The following HPSE2 variants were observed in gnomAD, a reference collection of about 807,000 sequenced individuals.
HPSE2 encodes the protein inactive heparanase-2.
HPSE2 carries 38 observed loss-of-function variants against 60.5 expected under a neutral mutation model. That is an observed-to-expected ratio of 0.63 (90% CI 0.48 to 0.82). The LOEUF is 0.82. Among genes scored for constraint, HPSE2 ranks in the 40% least tolerant of loss-of-function variants. The pLI is 0.00. For missense variants in HPSE2, 713 were observed against 740.4 expected (o/e 0.96, Z 0.43); for synonymous variants, 295 against 293.2 (o/e 1.01, Z -0.06).
At chr10:99,229,212 G>T (rs1385742563) in intron 2 of HPSE2, among the ~76,000 whole-genome samples, 1 of 151,230 alleles carries the variant, frequency 6.6e-6, no homozygotes, top group Non-Finnish European at 1.5e-5. Context: ...CAATATAAAC[G>T]GATTAACCAG....
intron 3 of HPSE2, among the ~76,000 whole-genome samples, chr10:99,071,016 A>G (rs1281435686): frequency 4.6e-5 from 7 of 151,538 alleles, no homozygotes; most frequent in East Asian, 3.9e-4. Flanking sequence ...ATTATTTTGT[A>G]TAGGTATGCA....
intron 3 of HPSE2, among the ~76,000 whole-genome samples, chr10:99,004,180 C>CT (rs1031223749): frequency 2.1e-4 from 32 of 151,842 alleles, no homozygotes; most frequent in Admixed American, 1.3e-3. Context: ...GTTGGCCCAG[C>CT]TTTTTTTTAA....
At chr10:98,500,408 C>A (rs1026399016) in intron 9 of HPSE2, among the ~76,000 whole-genome samples, 2 of 152,174 alleles carry the variant, frequency 1.3e-5, no homozygotes, top group Non-Finnish European at 2.9e-5. Context: ...AATTAAATAA[C>A]CTGCTCCTGA....
At chr10:99,244,825 T>TA in the HPSE2 span, among the ~76,000 whole-genome samples, 1 of 152,192 alleles carries the variant, frequency 6.6e-6, no homozygotes, top group African/African-American at 2.4e-5. Context: ...CAGACTTTAG[T>TA]AGTACATACT....
intron 3 of HPSE2, among the ~76,000 whole-genome samples, chr10:99,103,264 T>C (rs938211439): frequency 6.6e-6 from 1 of 152,206 alleles, no homozygotes; most frequent in Non-Finnish European, 1.5e-5. Context: ...CTCCTTAAGC[T>C]GATAAGCAAC....
chr10:99,306,387 T>C, the HPSE2 span, among the ~76,000 whole-genome samples: 1 of 152,112 alleles, frequency 6.6e-6, no homozygotes, highest in Non-Finnish European at 1.5e-5. Flanking sequence ...CTGGCCAATG[T>C]GCACTTACTC....
chr10:98,508,078 A>G (rs980384546), intron 9 of HPSE2, among the ~76,000 whole-genome samples: 3 of 152,216 alleles, frequency 2.0e-5, no homozygotes, highest in Non-Finnish European at 2.9e-5. Context: ...TATAATAAAA[A>G]AAAATCCAAA....
chr10:98,937,365 T>A lies in HPSE2; in HGVS notation c.611-193309A>T, dbSNP rs1224555890. On this transcript the variant is annotated intron_variant, in intron 3 of 11. Transcript: ENST00000370552. ...AGGGGTGACAGACGGCACCTGGAAA[T>A]TCGGGTCACTCCCACCCTAATACTG... Among the ~76,000 whole-genome samples the A allele has an allele frequency of 1.6e-4, 23 of 144,266 alleles. 2 individuals carry two copies. Among genetic ancestry groups the A allele is most frequent in the African/African-American group, 6.5e-4 (23 of 35,650 alleles). 94.6% of individuals were successfully genotyped at this position (144,266 alleles called of 152,430 possible).
At chr10:98,482,113 G>A (rs1941258933) in intron 11 of HPSE2, among the ~76,000 whole-genome samples, 1 of 152,088 alleles carries the variant, frequency 6.6e-6, no homozygotes, top group South Asian at 2.1e-4. Flanking sequence ...ATAAAGTTAG[G>A]GGCAGGACAG....
intron 3 of HPSE2, among the ~76,000 whole-genome samples, chr10:99,040,347 T>C (rs1433020368): frequency 1.3e-5 from 2 of 152,194 alleles, no homozygotes; most frequent in Non-Finnish European, 2.9e-5. Flanking sequence ...AAATGTATAT[T>C]AATATACTCA....
At chr10:98,664,625 T>A (rs180832002) in intron 6 of HPSE2, among the ~76,000 whole-genome samples, 3 of 152,170 alleles carry the variant, frequency 2.0e-5, no homozygotes, top group African/African-American at 7.2e-5. Flanking sequence ...GGCTTATCTA[T>A]CGGCCATCGC....
chr10:99,140,156 T>G (rs1845813190), intron 3 of HPSE2, among the ~76,000 whole-genome samples: 2 of 152,220 alleles, frequency 1.3e-5, no homozygotes, highest in African/African-American at 4.8e-5. Flanking sequence ...TGCACACTGT[T>G]GCTCAATTGA....
chr10:99,096,594 A>G (rs1290618585), intron 3 of HPSE2, among the ~76,000 whole-genome samples: 1 of 152,150 alleles, frequency 6.6e-6, no homozygotes, highest in Non-Finnish European at 1.5e-5. Flanking sequence ...GGATTGACTG[A>G]TTAAACTTTT....
intron 3 of HPSE2, among the ~76,000 whole-genome samples, chr10:98,933,053 G>A (rs1954685600): frequency 6.9e-6 from 1 of 144,068 alleles, no homozygotes; most frequent in Admixed American, 6.9e-5. Context: ...TAGTTGTGAT[G>A]TTAAGGTGTT....
intron 9 of HPSE2, among the ~76,000 whole-genome samples, chr10:98,560,149 ACTCT>A (rs751854639): frequency 8.6e-5 from 13 of 151,914 alleles, no homozygotes; most frequent in Non-Finnish European, 1.6e-4. Context: ...CATCTCTCCT[ACTCT>A]CTCTGAGTCG....
intron 11 of HPSE2, among the ~76,000 whole-genome samples, chr10:98,472,291 T>G (rs1043917275): frequency 6.6e-6 from 1 of 152,150 alleles, no homozygotes; most frequent in Non-Finnish European, 1.5e-5. Flanking sequence ...TGCTAGTGTT[T>G]AGAGTAAGTA....
upstream of HPSE2, chr10:99,235,876 G>A: frequency 1.5e-6 from 2 of 1,339,394 alleles, no homozygotes; most frequent in Admixed American, 3.5e-5. Context: ...TAAAGTGTGT[G>A]TCTGTCCGCC....
the HPSE2 span, among the ~76,000 whole-genome samples, chr10:99,276,644 A>G: frequency 2.6e-4 from 39 of 152,202 alleles, no homozygotes; most frequent in African/African-American, 9.2e-4. Context: ...ACTGATAAAT[A>G]GGATAAGCTG....
chr10:99,223,850 G>C (rs1048988289), intron 2 of HPSE2, among the ~76,000 whole-genome samples: 5 of 152,088 alleles, frequency 3.3e-5, no homozygotes, highest in African/African-American at 1.2e-4. Flanking sequence ...TACTGACTTA[G>C]CAGAAGGTTT....
Sources: allele counts gnomAD v4.1 joint callset (sites outside exome capture counted in the v4.1 genomes callset), GRCh38; gene constraint gnomAD v4.1.1; transcripts MANE v1.5; gene names NCBI Gene and HGNC (gene_info 2026-07-23, HGNC 2026-07-21).